The following SYNE2 variants were observed in gnomAD, a reference collection of about 807,000 sequenced individuals.
SYNE2 encodes nesprin-2.
A neutral mutation model predicts 856.3 loss-of-function variants in SYNE2; 431 were observed. The ratio of observed to expected loss-of-function variants is 0.50; its 90% confidence interval spans 0.47 to 0.55. The LOEUF is 0.55. SYNE2 is among the 20% of genes least tolerant of loss of function. The probability of loss-of-function intolerance (pLI) is 0.00; values close to 1 mark genes in which losing one functional copy is unlikely to be tolerated. For synonymous variants in SYNE2, 2,923 were observed against 2,872.3 expected (o/e 1.02, Z -0.56); for missense variants, 8,129 against 8,023.2 (o/e 1.01, Z -0.50).
intron 45 of SYNE2, 92 bp from the exon 46 acceptor site, chr14:64,047,908 C>G (rs2097197876): frequency 4.3e-6 from 6 of 1,380,772 alleles, no homozygotes; most frequent in Non-Finnish European, 6.1e-6. Context: ...TCCAAGTAAA[C>G]AGAAGAAACT....
chr14:64,038,513 C>T (rs1225366096), intron 45 of SYNE2, among the ~76,000 whole-genome samples: 1 of 152,122 alleles, frequency 6.6e-6, no homozygotes, highest in East Asian at 1.9e-4. Context: ...GAGGTTGTAG[C>T]GAGCCGAGAT....
Position 64,052,007 on chromosome 14 carries a change from AAAG to A in SYNE2, c.8100_8102del (p.Lys2700del), listed in dbSNP as rs1465822656. ...TGAAGAGGATTTGGGGAGAAAAAGA[AAAG>A]AAGAATTTGGAGGATGGAATAAATA... is the stretch of plus-strand genomic sequence containing the variant. On this transcript the variant is annotated inframe_deletion, in exon 48 of 116. Coordinates refer to ENST00000555002, the MANE Select transcript of SYNE2 (RefSeq NM_182914.3). 6 of 1,613,834 alleles carry A rather than the reference AAAG, an allele frequency of 3.7e-6. No homozygotes were observed. The highest frequency in any genetic ancestry group is 4.2e-6 in the Non-Finnish European group (5 of 1,179,968).
At chr14:64,183,675 A>T (rs940493972) in intron 96 of SYNE2, among the ~76,000 whole-genome samples, 8 of 152,172 alleles carry the variant, frequency 5.3e-5, no homozygotes, top group African/African-American at 1.4e-4. Context: ...GCACCTCGGG[A>T]GGCCGAGGCT....
chr14:64,017,582 T>A lies in SYNE2; in HGVS notation c.4888-13T>A. ...CTGCTACATATGTTGTTTCTCTTTT[T>A]AAATTATGGTAGATAAATGAGAAGA... On this transcript the variant is annotated splice_polypyrimidine_tract_variant and intron_variant, in intron 33 of 115. Coordinates refer to ENST00000555002, the MANE Select transcript of SYNE2 (RefSeq NM_182914.3). 1 of 1,604,984 alleles carries A rather than the reference T, an allele frequency of 6.2e-7. No homozygotes were observed. The highest frequency in any genetic ancestry group is 1.3e-5 in the African/African-American group (1 of 74,822).
chr14:64,126,323 T>G lies in SYNE2; in HGVS notation c.13555-4T>G. Reference sequence around the variant, plus strand: ...TTTCTTTTTCTTTTTTCCTCTTGATTCAGGAAAATATGACAGAAGAAGCAT... The same window carrying G: ...TTTCTTTTTCTTTTTTCCTCTTGATGCAGGAAAATATGACAGAAGAAGCAT... On this transcript the variant is annotated splice_polypyrimidine_tract_variant and splice_region_variant and intron_variant, in intron 71 of 115. Transcript: ENST00000555002. 6.2e-7 allele frequency: 1 copy of G among 1,612,924 alleles called. No homozygotes were observed. The highest frequency in any genetic ancestry group is 1.1e-5 in the South Asian group (1 of 91,038).
intron 63 of SYNE2, among the ~76,000 whole-genome samples, chr14:64,100,730 CTA>C (rs1421407644): frequency 6.6e-6 from 1 of 150,656 alleles, no homozygotes; most frequent in Non-Finnish European, 1.5e-5. Flanking sequence ...CATATATTAA[CTA>C]TAGTCACCAT....
chr14:63,781,670 A>C (rs113554927), intron 1 of SYNE2, among the ~76,000 whole-genome samples: 4,787 of 131,956 alleles, frequency 0.036, 150 homozygotes, highest in African/African-American at 0.084. Flanking sequence ...CTCTCTCTCT[A>C]TATATATATA....
chr14:63,854,566 T>C (rs2087319368), intron 1 of SYNE2, among the ~76,000 whole-genome samples: 1 of 152,232 alleles, frequency 6.6e-6, no homozygotes, highest in South Asian at 2.1e-4. Flanking sequence ...CATTAAGTTT[T>C]TTCGTGGTGA....
intron 54 of SYNE2, among the ~76,000 whole-genome samples, chr14:64,078,208 A>T (rs1224414143): frequency 1.3e-5 from 2 of 152,224 alleles, no homozygotes; most frequent in East Asian, 3.8e-4. Context: ...ACATGTTACA[A>T]TACATGTATT....
At chr14:64,165,139 G>A (rs957411739) in intron 89 of SYNE2, 146 bp from the exon 90 acceptor site, 11 of 741,444 alleles carry the variant, frequency 1.5e-5, no homozygotes, top group African/African-American at 8.7e-5. Context: ...TTCCCACCTC[G>A]GCCTCCCAAA....
chr14:63,855,238 G>C (rs891545459), intron 1 of SYNE2, among the ~76,000 whole-genome samples: 11 of 152,116 alleles, frequency 7.2e-5, no homozygotes, highest in African/African-American at 2.7e-4. Context: ...CCTTATCTAG[G>C]TGGGGAATCT....
intron 19 of SYNE2, 91 bp from the exon 20 acceptor site, chr14:63,990,320 G>T (rs1385798446): frequency 2.0e-5 from 26 of 1,314,348 alleles, no homozygotes; most frequent in Non-Finnish European, 2.7e-5. Flanking sequence ...GATTAATAAT[G>T]AACTTTTTTG....
At chr14:63,999,104 T>C in intron 27 of SYNE2, 64 bp downstream of exon 27, 1 of 1,499,372 alleles carries the variant, frequency 6.7e-7, no homozygotes, top group East Asian at 2.3e-5. Context: ...CCACTGTGAG[T>C]CTGGACATCC....
rs1403920449 is a variant in SYNE2 at position 64,122,019 on chromosome 14, A to G, written c.13166A>G (p.Glu4389Gly). Residue 4389 changes from glutamate to glycine, a missense_variant, in exon 69 of 116, where the codon GAG (glutamate) becomes GGG (glycine). Glu to Gly is a moderately conservative substitution (Grantham distance 98). Transcript: ENST00000555002. ...AATCTCATTCAATTACAGGTTCTGG[A>G]GTTAAAACCAATGGAACAGAAAGAT... ...QKDFQQQQVL[E>G]LKPMEQKDFI... 77 of 1,613,498 alleles carry G rather than the reference A, an allele frequency of 4.8e-5. No individual in the cohort carries two copies. The highest frequency in any genetic ancestry group is 6.4e-5 in the Non-Finnish European group (76 of 1,179,998).
chr14:63,988,040 G>C (rs1258967445), intron 19 of SYNE2, among the ~76,000 whole-genome samples: 1 of 152,140 alleles, frequency 6.6e-6, no homozygotes, highest in Non-Finnish European at 1.5e-5. Context: ...TCTTAATCCT[G>C]TGTTATGCTC....
At chr14:64,215,655 G>GGC in intron 107 of SYNE2, 2 of 520,086 alleles carry the variant, frequency 3.8e-6, no homozygotes, top group South Asian at 2.4e-5. Flanking sequence ...GAAGTCCTTT[G>GGC]GCATGGGCCA....
chr14:64,073,345 G>A lies in SYNE2; in HGVS notation c.10698-623G>A, dbSNP rs571266531. ...TCCTATCACTCAGGAAATTACAAAGGGCTTAGGAGCTCTGTGTCAGGAACT... is the reference window on the plus strand; with the variant it reads ...TCCTATCACTCAGGAAATTACAAAGAGCTTAGGAGCTCTGTGTCAGGAACT... On this transcript the variant is annotated intron_variant, in intron 52 of 115. Coordinates refer to ENST00000555002, the MANE Select transcript of SYNE2 (RefSeq NM_182914.3). Among the ~76,000 whole-genome samples the A allele has an allele frequency of 9.9e-5, 15 of 152,096 alleles. No individual in the cohort carries two copies. The South Asian group carries it at 1.5e-3, about 15-fold the overall frequency.
chr14:63,930,695 T>C (rs2095741674), intron 2 of SYNE2, among the ~76,000 whole-genome samples: 6 of 152,026 alleles, frequency 3.9e-5, no homozygotes, highest in Admixed American at 3.9e-4. Flanking sequence ...CCACCACGCC[T>C]GGCTAACTTT....
intron 64 of SYNE2, 148 bp from the exon 65 acceptor site, chr14:64,107,343 G>A: frequency 1.4e-6 from 1 of 735,614 alleles, no homozygotes; most frequent in Non-Finnish European, 2.4e-6. Context: ...TTTCCCTAAT[G>A]AACAAACTTT....
Sources: gnomAD v4.1 joint callset for allele counts (sites outside exome capture counted in the v4.1 genomes callset) on GRCh38, gnomAD v4.1.1 for gene constraint, MANE v1.5 for transcripts, NCBI Gene and HGNC (gene_info 2026-07-23, HGNC 2026-07-21) for gene names.